Variants in UAP1L1 observed in about 807,000 individuals in gnomAD.
The protein encoded by UAP1L1 is UDP-N-acetylhexosamine pyrophosphorylase-like protein 1.
A neutral mutation model predicts 45.3 loss-of-function variants in UAP1L1; 45 were observed. The ratio of observed to expected loss-of-function variants is 0.99; its 90% CI spans 0.78 to 1.27. The LOEUF is 1.27. UAP1L1 is among the 50% of genes most tolerant of loss of function. The pLI, the probability that UAP1L1 is intolerant of heterozygous loss-of-function variation, is 0.00. For missense variants in UAP1L1, 667 were observed against 694.0 expected, an observed-to-expected ratio of 0.96 and a Z score of 0.44; for synonymous variants, 323 against 303.9, an observed-to-expected ratio of 1.06 and a Z score of -0.65.
At chr9:137,080,337 T>A in intron 6 of UAP1L1, 195 bp downstream of exon 6, 6 of 664,948 alleles carry the variant, frequency 9.0e-6, no homozygotes, top group Non-Finnish European at 1.5e-5. Flanking sequence ...AGGGAGTCCT[T>A]GGGGCTGTGG....
Position 137,082,006 on chromosome 9 carries a change from C to T in UAP1L1, c.1373C>T (p.Pro458Leu), listed in dbSNP as rs192134217. The change falls in exon 8 of 9, where the codon CCA becomes CTA. Residue 458 changes from proline (P) to leucine (L), a missense_variant. Physicochemically the swap from Pro to Leu is moderately conservative, Grantham distance 98. Transcript: ENST00000409858. The surrounding 1 kb of genome is among the most constrained non-coding windows in gnomAD (Gnocchi z 5.7). ...AWLPELPSLP[P>L]NGDPPAICEI... Reference sequence around the variant, plus strand: ...AAGTGGACTTTCCCTAGCTTGCCCCCAAATGGAGACCCTCCGGCCATCTGT... The same window carrying T: ...AAGTGGACTTTCCCTAGCTTGCCCCTAAATGGAGACCCTCCGGCCATCTGT... 7.6e-5 allele frequency: 123 copies of T among 1,613,998 alleles called. No homozygotes were observed. The East Asian group carries it at 2.4e-3, about 32-fold the overall frequency.
chr9:137,083,477 G>A lies in UAP1L1; in HGVS notation c.*748G>A, dbSNP rs755488121. The A allele has an allele frequency of 7.9e-5, 12 of 152,316 alleles. No individual in the cohort carries two copies. The highest frequency in any genetic ancestry group is 1.9e-4 in the East Asian group (1 of 5,208). 9.4% of individuals were successfully genotyped at this position (152,316 alleles called of 1,614,324 possible). ...CTGCCTCTCAGCCTCTTCCATGGTC[G>A]GTTTAGGCTGCTGAGTTTTCTGTGC... On this transcript the variant is annotated 3_prime_UTR_variant, in exon 9 of 9. Coordinates refer to ENST00000409858, the MANE Select transcript of UAP1L1 (RefSeq NM_207309.3).
intron 2 of UAP1L1, 105 bp downstream of exon 2, chr9:137,078,359 G>A (rs1588570745): frequency 1.9e-6 from 3 of 1,559,620 alleles, no homozygotes; most frequent in Non-Finnish European, 2.6e-6. Context: ...CCGGGACATT[G>A]CCCAGAACCG....
chr9:137,082,732 C>T lies in UAP1L1; in HGVS notation c.*3C>T, dbSNP rs377672867. 101 of 1,547,270 alleles carry T rather than the reference C, an allele frequency of 6.5e-5. No individual in the cohort carries two copies. In the African/African-American group the frequency reaches 1.2e-3, roughly 18 times the overall value. ...AGCCGCAGCTGCAGGAGTCCTGACC[C>T]GCCCAGACTGTCCCCAGACTCCCCC... On this transcript the variant is annotated 3_prime_UTR_variant, in exon 9 of 9. Coordinates refer to ENST00000409858, the MANE Select transcript of UAP1L1 (RefSeq NM_207309.3). This position sits in a 1 kb window ranked among gnomAD's most constrained non-coding sequence, Gnocchi z 5.7.
In UAP1L1 at chr9:137,077,799, A is replaced by G. The variant is rs981471537; in HGVS notation, c.267A>G (p.Thr89=). ...GGGCCAGCCGCAGCGACCCCGAGACACGGCGGCGCTGGGAGGAGGAAGGTA... is the reference window on the plus strand; with the variant it reads ...GGGCCAGCCGCAGCGACCCCGAGACGCGGCGGCGCTGGGAGGAGGAAGGTA... ...VGRASRSDPE[T]RRRWEEEGFR... Residue 89 remains threonine, a synonymous_variant, in exon 1 of 9, where the codon ACA becomes ACG. Coordinates refer to ENST00000409858, the MANE Select transcript of UAP1L1 (RefSeq NM_207309.3). This position sits in a 1 kb window ranked among gnomAD's most constrained non-coding sequence, Gnocchi z 4.7. The G allele has an allele frequency of 2.8e-5, 39 of 1,380,990 alleles. No homozygotes were observed. The highest frequency in any genetic ancestry group is 6.8e-5 in the Admixed American group (2 of 29,448). The allele number at this position is 1,380,990 out of a possible 1,614,324, so 85.5% of individuals were successfully genotyped here. A position where few individuals can be genotyped will look rare whatever the true frequency, so the allele number is the denominator to read the frequency against.
chr9:137,081,550 G>C (rs1012767501), intron 7 of UAP1L1, among the ~76,000 whole-genome samples: 6 of 152,044 alleles, frequency 3.9e-5, no homozygotes, highest in Non-Finnish European at 7.4e-5. Flanking sequence ...ATACATTTGT[G>C]GGGTGTGTGT....
At position 137,077,830 on chromosome 9, in the gene UAP1L1, G is replaced by A; in HGVS notation, c.289+9G>A. Reference sequence around the variant, plus strand: ...GCGCTGGGAGGAGGAAGGTAAGCGGGGTGGGAGGCCCTGGGGGCCGGCAGG... The same window carrying A: ...GCGCTGGGAGGAGGAAGGTAAGCGGAGTGGGAGGCCCTGGGGGCCGGCAGG... On this transcript the variant is annotated intron_variant, in intron 1 of 8. Transcript: ENST00000409858. This position sits in a 1 kb window ranked among gnomAD's most constrained non-coding sequence, Gnocchi z 4.7. The A allele has an allele frequency of 7.0e-7, 1 of 1,420,106 alleles. No homozygotes were observed. The highest frequency in any genetic ancestry group is 9.2e-7 in the Non-Finnish European group (1 of 1,092,370). 88.0% of individuals were successfully genotyped at this position (1,420,106 alleles called of 1,614,324 possible).
At chr9:137,078,443 C>A (rs781485200) in intron 2 of UAP1L1, 59 bp from the exon 3 acceptor site, 2 of 1,609,878 alleles carry the variant, frequency 1.2e-6, no homozygotes, top group Non-Finnish European at 1.7e-6. Flanking sequence ...CTGGTCCGAG[C>A]CCCGTCTGCC....
At position 137,078,274 on chromosome 9, in the gene UAP1L1, C is replaced by T. The variant is rs1246721809; in HGVS notation, c.494+20C>T. On this transcript the variant is annotated intron_variant, in intron 2 of 8. Coordinates refer to ENST00000409858, the MANE Select transcript of UAP1L1 (RefSeq NM_207309.3). Reference sequence around the variant, plus strand: ...CCCCTGGTGTGTCCTGCCTGCCCTACCTCGGCCCGGAGGTACCCTTCCCCA... The same window carrying T: ...CCCCTGGTGTGTCCTGCCTGCCCTATCTCGGCCCGGAGGTACCCTTCCCCA... 2.6e-6 allele frequency: 4 copies of T among 1,526,638 alleles called. No homozygotes were observed. In the East Asian group the frequency reaches 7.4e-5, roughly 28 times the overall value. 94.6% of individuals were successfully genotyped at this position (1,526,638 alleles called of 1,614,324 possible).
In UAP1L1 at chr9:137,077,517, A is replaced by G; in HGVS notation, c.-16A>G. 7.4e-7 allele frequency: 1 copy of G among 1,349,896 alleles called. No individual in the cohort carries two copies. Among genetic ancestry groups the G allele is most frequent in the Non-Finnish European group, 9.6e-7 (1 of 1,040,868 alleles). The allele number at this position is 1,349,896 out of a possible 1,614,324, so 83.6% of individuals were successfully genotyped here. On this transcript the variant is annotated 5_prime_UTR_variant, in exon 1 of 9. Transcript: ENST00000409858. The surrounding 1 kb of genome is among the most constrained non-coding windows in gnomAD (Gnocchi z 4.7). ...CGCGGGTCACGAGTGCCGACTTGACAGACGGCAGCGGCGACATGGCTTCGG... is the reference window on the plus strand; with the variant it reads ...CGCGGGTCACGAGTGCCGACTTGACGGACGGCAGCGGCGACATGGCTTCGG...
chr9:137,081,540 A>G (rs61671026), intron 7 of UAP1L1, among the ~76,000 whole-genome samples: 11,282 of 151,762 alleles, frequency 0.074, 1,351 homozygotes, highest in African/African-American at 0.25. Context: ...TCTTATTTGT[A>G]TACATTTGTG....
Position 137,079,100 on chromosome 9 carries a change from TG to T in UAP1L1, c.796del (p.Val266SerfsTer87). On this transcript the variant is annotated frameshift_variant, in exon 4 of 9. Transcript: ENST00000409858. LOFTEE classifies it high-confidence loss of function. The part of the protein sequence containing the change: ...DNILVRLADP[V>X]FIGFCVLQGA... ...ACATCCTGGTGCGGCTGGCGGACCC[TG>T]TCTTCATCGGCTTCTGTGTGTTGCA... is the stretch of plus-strand genomic sequence containing the variant. 1 of 1,611,762 alleles carries T rather than the reference TG, an allele frequency of 6.2e-7. No individual in the cohort carries two copies. Among genetic ancestry groups the T allele is most frequent in the Non-Finnish European group, 8.5e-7 (1 of 1,179,616 alleles).
intron 2 of UAP1L1, 23 bp from the exon 3 acceptor site, chr9:137,078,479 G>A (rs759168044): frequency 1.9e-6 from 3 of 1,612,644 alleles, no homozygotes; most frequent in African/African-American, 2.7e-5. Context: ...ACTCGCGGCC[G>A]GCTCACCGCG....
chr9:137,082,084 A>G lies in UAP1L1; in HGVS notation c.1431+20A>G. 1.2e-6 allele frequency: 2 copies of G among 1,612,864 alleles called. No homozygotes were observed. The highest frequency in any genetic ancestry group is 1.3e-5 in the African/African-American group (1 of 74,984). On this transcript the variant is annotated intron_variant, in intron 8 of 8. Coordinates refer to ENST00000409858, the MANE Select transcript of UAP1L1 (RefSeq NM_207309.3). This position sits in a 1 kb window ranked among gnomAD's most constrained non-coding sequence, Gnocchi z 5.7. The stretch of plus-strand genomic sequence containing the variant: ...GGAGAGGTGAGAGCTGCCCATCCCT[A>G]TCTGGGGCTTTTCTGGTGTCAGGTT...
chr9:137,079,136 C>G lies in UAP1L1; in HGVS notation c.831C>G (p.Asp277Glu), dbSNP rs1227873372. 6.2e-7 allele frequency: 1 copy of G among 1,610,570 alleles called. No individual in the cohort carries two copies. The highest frequency in any genetic ancestry group is 1.7e-5 in the Admixed American group (1 of 59,050). ...FIGFCVLQGA[D>E]CGAKVVEKAY... ...GCTTCTGTGTGTTGCAGGGCGCAGA[C>G]TGTGGCGCCAAGGTTAGCGCCCGAC... The change falls in exon 4 of 9, where the codon GAC (aspartate) becomes GAG (glutamate). Residue 277 changes from aspartate to glutamate, a missense_variant. By Grantham distance (45) the Asp-to-Glu change is conservative. Transcript: ENST00000409858.
At position 137,078,737 on chromosome 9, in the gene UAP1L1, G is replaced by A; in HGVS notation, c.670+60G>A. ...CAGACTAGAACTGGGAGCGTAGTTG[G>A]GGGTCCACGCGCCCGGGTTCGCGGC... On this transcript the variant is annotated intron_variant, in intron 3 of 8. Transcript: ENST00000409858. 2.0e-6 allele frequency: 3 copies of A among 1,534,246 alleles called. 1 individual carries two copies. The highest frequency in any genetic ancestry group is 2.6e-6 in the Non-Finnish European group (3 of 1,136,408).
rs778900447 is a variant in UAP1L1, at chr9:137,082,545, C to T, written c.1432-92C>T. 74 of 1,054,936 alleles carry T rather than the reference C, an allele frequency of 7.0e-5. No individual in the cohort carries two copies. Among genetic ancestry groups the T allele is most frequent in the East Asian group, 1.8e-4 (7 of 38,286 alleles). 65.3% of individuals were successfully genotyped at this position (1,054,936 alleles called of 1,614,324 possible). On this transcript the variant is annotated intron_variant, in intron 8 of 8. Coordinates refer to ENST00000409858, the MANE Select transcript of UAP1L1 (RefSeq NM_207309.3). This position sits in a 1 kb window ranked among gnomAD's most constrained non-coding sequence, Gnocchi z 5.7. ...CCCTGACTCCAGGCAGACCTGGGAT[C>T]GCACCTGGGGACTGTGGCTCTTGGT...
intron 6 of UAP1L1, 133 bp downstream of exon 6, chr9:137,080,275 AC>A: frequency 8.4e-7 from 1 of 1,186,280 alleles, no homozygotes. Context: ...CAGGGAGAAG[AC>A]CAGAGGGTGC....
In UAP1L1 at chr9:137,083,401, C is replaced by G. The variant is rs953752330; in HGVS notation, c.*672C>G. ...GCTCTGAGAAGCTTGGCCTGGACAC[C>G]TGAGCCTGCGGCCGGTACTCCTGCC... is the stretch of plus-strand genomic sequence containing the variant. On this transcript the variant is annotated 3_prime_UTR_variant, in exon 9 of 9. Transcript: ENST00000409858. 1 of 152,468 alleles carries G rather than the reference C, an allele frequency of 6.6e-6. No homozygotes were observed. Among genetic ancestry groups the G allele is most frequent in the African/African-American group, 2.4e-5 (1 of 41,470 alleles). The allele number at this position is 152,468 out of a possible 1,614,324, so 9.4% of individuals were successfully genotyped here.
Sources: gnomAD v4.1 joint callset for allele counts (sites outside exome capture counted in the v4.1 genomes callset) on GRCh38, gnomAD v4.1.1 for gene constraint, Gnocchi (gnomAD v3.1) non-coding constraint, MANE v1.5 for transcripts, NCBI Gene and HGNC (gene_info 2026-07-23, HGNC 2026-07-21) for gene names.